DCSTAMP: variants seen among roughly 807,000 people sequenced by gnomAD.
The protein encoded by DCSTAMP is dendritic cell-specific transmembrane protein.
In DCSTAMP, 25 loss-of-function variants were observed where a neutral mutation model predicts 33.8. That is an observed-to-expected ratio of 0.74 (90% CI 0.54 to 1.03). The LOEUF (loss-of-function observed/expected upper bound fraction) is 1.03, where lower values mean the gene tolerates loss of function less well. Ranked by LOEUF, DCSTAMP falls within the 50% of genes least tolerant of loss-of-function variation. The pLI is 0.00. For synonymous variants in DCSTAMP, 245 were observed against 216.7 expected, an observed-to-expected ratio of 1.13 and a Z score of -1.15; for missense variants, 531 against 556.8, an observed-to-expected ratio of 0.95 and a Z score of 0.47.
chr8:104,340,381 C>A (rs1466898100), intron 1 of DCSTAMP: 1 of 152,164 alleles, frequency 6.6e-6, no homozygotes, highest in South Asian at 2.1e-4. Context: ...AAATGAAGGC[C>A]GCAGCTCCTG....
At chr8:104,353,483 T>C (rs999710231) in intron 2 of DCSTAMP, among the ~76,000 whole-genome samples, 2 of 152,346 alleles carry the variant, frequency 1.3e-5, no homozygotes, top group South Asian at 4.1e-4. Context: ...GGATTTCTCA[T>C]CACTGACTCA....
chr8:104,344,536 G>A (rs901934225), intron 1 of DCSTAMP, among the ~76,000 whole-genome samples: 3 of 152,064 alleles, frequency 2.0e-5, no homozygotes, highest in Admixed American at 6.5e-5. Flanking sequence ...TAGTCTTCAC[G>A]AGAGCAGCTT....
intron 3 of DCSTAMP, among the ~76,000 whole-genome samples, chr8:104,355,449 G>T (rs759139758): frequency 6.6e-6 from 1 of 152,134 alleles, no homozygotes; most frequent in Non-Finnish European, 1.5e-5. Context: ...GTAGAGAGGC[G>T]ACTGGAGAGG....
At chr8:104,352,494 C>T (rs1210642208) in intron 2 of DCSTAMP, among the ~76,000 whole-genome samples, 1 of 152,124 alleles carries the variant, frequency 6.6e-6, no homozygotes, top group East Asian at 1.9e-4. Flanking sequence ...TTGTCTTCCC[C>T]CCTCAATTCT....
At chr8:104,354,760 G>A in intron 2 of DCSTAMP, 117 bp from the exon 3 acceptor site, 1 of 664,040 alleles carries the variant, frequency 1.5e-6, no homozygotes, top group South Asian at 2.0e-5. Context: ...AGTTCCTTTG[G>A]CCAAAGCTCC....
chr8:104,352,114 T>C (rs182412084), intron 2 of DCSTAMP, among the ~76,000 whole-genome samples: 3 of 152,308 alleles, frequency 2.0e-5, no homozygotes, highest in Non-Finnish European at 4.4e-5. Flanking sequence ...GCCACAATGT[T>C]GCCTGCAAAC....
At position 104,348,703 on chromosome 8, in the gene DCSTAMP, G is replaced by A. The variant is rs187056456; in HGVS notation, c.151G>A (p.Ala51Thr). 1.3e-4 allele frequency: 204 copies of A among 1,614,138 alleles called. No homozygotes were observed. The East Asian group carries it at 3.5e-3, about 28-fold the overall frequency. The change falls in exon 2 of 4, where the codon GCC (alanine) becomes ACC (threonine). Residue 51 changes from alanine to threonine, a missense_variant. By Grantham distance (58) the Ala-to-Thr change is moderately conservative. Coordinates refer to ENST00000297581, the MANE Select transcript of DCSTAMP (RefSeq NM_030788.4). ...LISVGLLSVA[A>T]CWFLPSIIAA... ...TTCAGTGGGCCTCCTGTCTGTGGCC[G>A]CCTGCTGGTTTCTGCCATCAATCAT...
In DCSTAMP at chr8:104,348,600, G is replaced by A; in HGVS notation, c.48G>A (p.Glu16=). 2 of 1,614,234 alleles carry A rather than the reference G, an allele frequency of 1.2e-6. No homozygotes were observed. The highest frequency in any genetic ancestry group is 1.7e-6 in the Non-Finnish European group (2 of 1,180,040). Residue 16 remains glutamate (E), a synonymous_variant, in exon 2 of 4, where the codon GAG becomes GAA. Coordinates refer to ENST00000297581, the MANE Select transcript of DCSTAMP (RefSeq NM_030788.4). ...SGTDIFLSLW[E]IYVSPRSPGW... ...CTGATATCTTCCTAAGTCTTTGGGA[G>A]ATTTACGTGTCTCCAAGAAGCCCCG...
In DCSTAMP at chr8:104,348,865, A is replaced by T. The variant is rs1188337567; in HGVS notation, c.313A>T (p.Ile105Phe). ...RNALIAAGTG[I>F]VILGHVENIF... The stretch of plus-strand genomic sequence containing the variant: ...TGCTTTGATTGCAGCTGGCACAGGG[A>T]TCGTCATCTTGGGACACGTAGAAAA... Residue 105 changes from isoleucine to phenylalanine, a missense_variant, in exon 2 of 4, where the codon ATC (isoleucine) becomes TTC (phenylalanine). Transcript: ENST00000297581. 32 of 1,614,190 alleles carry T rather than the reference A, an allele frequency of 2.0e-5. No homozygotes were observed. The highest frequency in any genetic ancestry group is 2.4e-5 in the Non-Finnish European group (28 of 1,180,034).
At chr8:104,355,598 G>GTA in intron 3 of DCSTAMP, among the ~76,000 whole-genome samples, 1 of 152,080 alleles carries the variant, frequency 6.6e-6, no homozygotes, top group Non-Finnish European at 1.5e-5. Flanking sequence ...GTTTGTGTGT[G>GTA]TATATATAGA....
intron 2 of DCSTAMP, among the ~76,000 whole-genome samples, chr8:104,352,799 C>G (rs967694657): frequency 3.3e-5 from 5 of 152,164 alleles, no homozygotes; most frequent in Non-Finnish European, 7.4e-5. Flanking sequence ...GGCACTGGAA[C>G]AGATGTGAGT....
chr8:104,356,056 T>C (rs901484447), intron 3 of DCSTAMP, 68 bp from the exon 4 acceptor site: 3 of 1,394,858 alleles, frequency 2.2e-6, no homozygotes, highest in Non-Finnish European at 3.0e-6. Flanking sequence ...CAATGAAAAA[T>C]TGATGTCAGA....
intron 2 of DCSTAMP, among the ~76,000 whole-genome samples, chr8:104,352,946 C>T (rs572682721): frequency 6.6e-6 from 1 of 152,214 alleles, no homozygotes; most frequent in Non-Finnish European, 1.5e-5. Flanking sequence ...CTTGTCTTCA[C>T]CATTGCCTCA....
Position 104,349,197 on chromosome 8 carries a change from T to C in DCSTAMP, c.645T>C (p.Leu215=), listed in dbSNP as rs1418001613. 1.9e-6 allele frequency: 3 copies of C among 1,614,134 alleles called. No homozygotes were observed. The highest frequency in any genetic ancestry group is 2.7e-5 in the African/African-American group (2 of 74,940). The change falls in exon 2 of 4, where the codon CTT becomes CTC. Residue 215 remains leucine (L), a synonymous_variant. Transcript: ENST00000297581. ...EVLSSLGQKL[L]AFAGLSLVLL... ...TGTCCTCCCTGGGTCAGAAGCTACT[T>C]GCCTTTGCAGGGCTTTCGCTCGTCC...
intron 1 of DCSTAMP, among the ~76,000 whole-genome samples, chr8:104,342,000 A>T (rs1178770868): frequency 1.3e-5 from 2 of 152,224 alleles, no homozygotes; most frequent in Non-Finnish European, 2.9e-5. Flanking sequence ...GAGAAATTAC[A>T]GGTTAAAGGG....
chr8:104,351,002 A>G (rs1005841647), intron 2 of DCSTAMP, among the ~76,000 whole-genome samples: 16 of 152,246 alleles, frequency 1.1e-4, no homozygotes, highest in African/African-American at 3.4e-4. Flanking sequence ...AATTGCCATC[A>G]GATGGATCTG....
At chr8:104,352,495 C>G (rs1466150517) in intron 2 of DCSTAMP, among the ~76,000 whole-genome samples, 1 of 152,150 alleles carries the variant, frequency 6.6e-6, no homozygotes, top group Non-Finnish European at 1.5e-5. Flanking sequence ...TGTCTTCCCC[C>G]CTCAATTCTC....
At chr8:104,345,575 C>A (rs993183955) in intron 1 of DCSTAMP, among the ~76,000 whole-genome samples, 2 of 152,190 alleles carry the variant, frequency 1.3e-5, no homozygotes, top group Non-Finnish European at 2.9e-5. Flanking sequence ...CGTATATCTT[C>A]TTTAATTGAT....
intron 2 of DCSTAMP, among the ~76,000 whole-genome samples, chr8:104,350,148 T>G (rs1335358466): frequency 6.6e-6 from 1 of 152,228 alleles, no homozygotes; most frequent in Admixed American, 6.5e-5. Flanking sequence ...AAGATCCTTT[T>G]TCCAAATAAA....
Sources: allele counts gnomAD v4.1 joint callset (sites outside exome capture counted in the v4.1 genomes callset), GRCh38; gene constraint gnomAD v4.1.1; transcripts MANE v1.5; gene names NCBI Gene and HGNC (gene_info 2026-07-23, HGNC 2026-07-21).